Variants in ARHGEF4 observed in about 807,000 individuals in gnomAD.
ARHGEF4 encodes the protein Rho guanine nucleotide exchange factor 4, also known as APC-stimulated guanine nucleotide exchange factor 1.
Under a neutral mutation model 162.0 loss-of-function variants are expected in ARHGEF4, and 119 were observed. The ratio of observed to expected loss-of-function variants is 0.73; its 90% CI spans 0.63 to 0.86. The LOEUF (loss-of-function observed/expected upper bound fraction) is 0.86, where lower values mean the gene tolerates loss of function less well. Among genes scored for constraint, ARHGEF4 ranks in the 40% least tolerant of loss-of-function variants. ARHGEF4 has a pLI of 0.00. For missense variants in ARHGEF4, 2,488 were observed against 2,456.0 expected (o/e 1.01, Z -0.28); for synonymous variants, 1,014 against 979.9 (o/e 1.03, Z -0.65).
chr2:130,912,503 G>A (rs1559034134), intron 1 of ARHGEF4, among the ~76,000 whole-genome samples: 2 of 152,208 alleles, frequency 1.3e-5, no homozygotes, highest in African/African-American at 4.8e-5. Flanking sequence ...GCTTTGGTGT[G>A]TGTTTGTTTT....
intron 4 of ARHGEF4, among the ~76,000 whole-genome samples, chr2:130,950,691 C>CCCCG (rs1217081870): frequency 2.1e-5 from 3 of 143,308 alleles, no homozygotes; most frequent in Non-Finnish European, 4.5e-5. Context: ...CTATTACCCC[C>CCCCG]CACCACCACC....
chr2:130,950,844 G>A (rs1032657721), intron 4 of ARHGEF4, among the ~76,000 whole-genome samples: 4 of 152,112 alleles, frequency 2.6e-5, no homozygotes, highest in Non-Finnish European at 5.9e-5. Flanking sequence ...CATGTCACAT[G>A]TACTTCAGTA....
chr2:130,918,446 A>G (rs1167549422), intron 2 of ARHGEF4, among the ~76,000 whole-genome samples: 1 of 147,484 alleles, frequency 6.8e-6, no homozygotes, highest in Non-Finnish European at 1.5e-5. Context: ...GCGAAAAGTA[A>G]AAAGTAAGGC....
chr2:130,977,414 G>C (rs549383838), intron 4 of ARHGEF4, among the ~76,000 whole-genome samples: 5 of 151,544 alleles, frequency 3.3e-5, no homozygotes, highest in Non-Finnish European at 7.4e-5. Context: ...TTTGTGTATG[G>C]GGTGTGTTTG....
At chr2:130,962,920 C>T (rs983516205) in intron 4 of ARHGEF4, among the ~76,000 whole-genome samples, 1 of 152,088 alleles carries the variant, frequency 6.6e-6, no homozygotes, top group Admixed American at 6.5e-5. Context: ...AGTTTTTCAC[C>T]TCCTGGAATT....
intron 1 of ARHGEF4, among the ~76,000 whole-genome samples, chr2:130,867,641 C>A (rs867292880): frequency 1.3e-5 from 2 of 152,194 alleles, no homozygotes; most frequent in African/African-American, 4.8e-5. Context: ...AATCAACAGG[C>A]AATTTCTCCC....
rs774224543 is a variant in ARHGEF4, at chr2:131,038,996, C to T, written c.4269C>T (p.Ala1423=). The change falls in exon 6 of 14, where the codon GCC becomes GCT. Residue 1423 remains alanine, a synonymous_variant. Coordinates refer to ENST00000409359, the MANE Select transcript of ARHGEF4 (RefSeq NM_001367493.1). ...TNREWWWGRV[A]DGEGWFPASF... is the part of the protein sequence containing the mutation. ...GAGAGTGGTGGTGGGGCCGGGTCGCCGATGGCGAGGGCTGGTTTCCAGCCA... is the reference window on the plus strand; with the variant it reads ...GAGAGTGGTGGTGGGGCCGGGTCGCTGATGGCGAGGGCTGGTTTCCAGCCA... The T allele has an allele frequency of 6.2e-6, 10 of 1,613,296 alleles. No homozygotes were observed. The Admixed American group carries it at 8.3e-5, about 13-fold the overall frequency.
At chr2:130,867,248 T>TA (rs1682350189) in intron 1 of ARHGEF4, among the ~76,000 whole-genome samples, 1 of 151,556 alleles carries the variant, frequency 6.6e-6, no homozygotes, top group African/African-American at 2.4e-5. Flanking sequence ...TATTATTTTT[T>TA]TTTTTTAATG....
In ARHGEF4 at chr2:130,979,137, C is replaced by T. The variant is rs376744100; in HGVS notation, c.3985+32502C>T. Among the ~76,000 whole-genome samples, 19 of 152,258 alleles carry T rather than the reference C, an allele frequency of 1.2e-4. No individual in the cohort carries two copies. In the East Asian group the frequency reaches 2.7e-3, roughly 22 times the overall value. On this transcript the variant is annotated intron_variant, in intron 4 of 13. Transcript: ENST00000409359. ...TTAAGACAGCCATAGTTAATGACAC[C>T]GTTGACAGGAAAATTTGGTTATTTC...
intron 1 of ARHGEF4, among the ~76,000 whole-genome samples, chr2:130,870,804 G>A (rs1574130072): frequency 6.6e-6 from 1 of 152,022 alleles, no homozygotes; most frequent in Non-Finnish European, 1.5e-5. Context: ...TGGCGGTGGT[G>A]GCAGAGAAGG....
rs1396744465 is a variant in ARHGEF4 at position 130,946,570 on chromosome 2, C to G, written c.3920C>G (p.Pro1307Arg). 16 of 1,613,948 alleles carry G rather than the reference C, an allele frequency of 9.9e-6. No homozygotes were observed. Among genetic ancestry groups the G allele is most frequent in the Non-Finnish European group, 1.4e-5 (16 of 1,179,974 alleles). Residue 1307 changes from proline to arginine, a missense_variant, in exon 4 of 14, where the codon CCA becomes CGA. By Grantham distance (103) the Pro-to-Arg change is moderately radical (BLOSUM62 -2). This residue lies in a region of ARHGEF4 where 1,642 missense variants were observed against 1,481.5 expected (regional missense o/e 1.11). Transcript: ENST00000409359. ...ESLNLPRRSH[P>R]LSQSAPTGLN... ...TTGAATCTCCCTAGAAGAAGCCATC[C>G]ACTCTCCCAGAGTGCTCCAACGGGA...
intron 1 of ARHGEF4, among the ~76,000 whole-genome samples, chr2:130,854,540 TC>T (rs34149007): frequency 0.2 from 29,913 of 152,158 alleles, 3,434 homozygotes; most frequent in African/African-American, 0.29. Context: ...AAGCTCTGTT[TC>T]TGGCAAGTGC....
chr2:130,991,206 G>C (rs1686931219), intron 4 of ARHGEF4, among the ~76,000 whole-genome samples: 1 of 152,206 alleles, frequency 6.6e-6, no homozygotes, highest in African/African-American at 2.4e-5. Context: ...GAGATGTATG[G>C]GTGGGGGCAG....
rs1336179328 is a variant in ARHGEF4, at chr2:131,043,506, C to T, written c.5080C>T (p.Arg1694Ter). 1 of 1,614,094 alleles carries T rather than the reference C, an allele frequency of 6.2e-7. No homozygotes were observed. Among genetic ancestry groups the T allele is most frequent in the Non-Finnish European group, 8.5e-7 (1 of 1,180,028 alleles). ...ACTCATCTACTCGGGGGAGCTGACT[C>T]GAGTTACACAGCCTCAAGCCAAAAG... The part of the protein sequence containing the change: ...SELIYSGELT[R>*]VTQPQAKSQQ... Residue 1694 changes from arginine to a stop codon, truncating the protein, a stop_gained, in exon 11 of 14, where the codon CGA (arginine) becomes TGA (stop). Coordinates refer to ENST00000409359, the MANE Select transcript of ARHGEF4 (RefSeq NM_001367493.1). LOFTEE classifies it high-confidence loss of function.
intron 5 of ARHGEF4, chr2:131,035,802 C>G: frequency 1.0e-6 from 1 of 985,350 alleles, no homozygotes; most frequent in Non-Finnish European, 1.2e-6. Context: ...GCACAAACTG[C>G]GGGTGTTCAC....
At chr2:131,043,011 C>T (rs1690936471) in intron 10 of ARHGEF4, among the ~76,000 whole-genome samples, 1 of 152,088 alleles carries the variant, frequency 6.6e-6, no homozygotes, top group Non-Finnish European at 1.5e-5. Flanking sequence ...CATATGGAAT[C>T]GTATGCTATG....
At chr2:131,035,092 A>C in intron 5 of ARHGEF4, 1 of 1,063,938 alleles carries the variant, frequency 9.4e-7, no homozygotes. Flanking sequence ...GCCGGGCGCC[A>C]TGGCGAGGGC....
chr2:130,962,754 A>T (rs1684702439), intron 4 of ARHGEF4, among the ~76,000 whole-genome samples: 1 of 148,508 alleles, frequency 6.7e-6, no homozygotes, highest in Non-Finnish European at 1.5e-5. Context: ...TGCTGCTTAC[A>T]CTAGAAGCAG....
At position 130,915,202 on chromosome 2, in the gene ARHGEF4, C is replaced by T. The variant is rs1681406784; in HGVS notation, c.1256C>T (p.Pro419Leu). 1 of 1,550,626 alleles carries T rather than the reference C, an allele frequency of 6.4e-7. No individual in the cohort carries two copies. The highest frequency in any genetic ancestry group is 2.0e-5 in the Admixed American group (1 of 50,998). Reference sequence around the variant, plus strand: ...TTGCAAAGGGCCTCTCAGGACACTCCTTCTGCAGGTCTCCTGGGGGAAAAC... The same window carrying T: ...TTGCAAAGGGCCTCTCAGGACACTCTTTCTGCAGGTCTCCTGGGGGAAAAC... ...FRLQRASQDT[P>L]SAGLLGENQL... The change falls in exon 2 of 14, where the codon CCT becomes CTT. Residue 419 changes from proline to leucine, a missense_variant. Physicochemically the swap from Pro to Leu is moderately conservative, Grantham distance 98. Around this residue, in one of 6 missense-constraint regions of ARHGEF4, gnomAD observed 1,642 missense variants for 1,481.5 expected, o/e 1.11. Transcript: ENST00000409359.
Sources: allele counts gnomAD v4.1 joint callset (sites outside exome capture counted in the v4.1 genomes callset), GRCh38; gene constraint gnomAD v4.1.1; regional missense constraint gnomAD v4.1.1; transcripts MANE v1.5; gene names NCBI Gene and HGNC (gene_info 2026-07-23, HGNC 2026-07-21).